The following PATZ1 variants were observed in gnomAD, a reference collection of about 807,000 sequenced individuals.
The protein encoded by PATZ1 is POZ/BTB and AT hook containing zinc finger 1, also known as POZ-, AT hook-, and zinc finger-containing protein 1.
In PATZ1, 9 loss-of-function variants were observed where a neutral mutation model predicts 46.2. The observed-to-expected ratio is 0.19, with a 90% CI of 0.12 to 0.34. The LOEUF is 0.34. Among genes scored for constraint, PATZ1 ranks in the 10% least tolerant of loss-of-function variants. The probability of loss-of-function intolerance (pLI) is 1.00; values close to 1 mark genes in which losing one functional copy is unlikely to be tolerated. For synonymous variants in PATZ1, 426 were observed against 378.6 expected, an observed-to-expected ratio of 1.13 and a Z score of -1.45; for missense variants, 632 against 923.0, an observed-to-expected ratio of 0.68 and a Z score of 4.08.
rs1338058112 is a variant in PATZ1, at chr22:31,328,865, G to T, written c.1567C>A (p.Pro523Thr). 1.2e-6 allele frequency: 2 copies of T among 1,613,878 alleles called. No homozygotes were observed. Among genetic ancestry groups the T allele is most frequent in the Non-Finnish European group, 1.7e-6 (2 of 1,179,870 alleles). The change falls in exon 4 of 5, where the codon CCC becomes ACC. Residue 523 changes from proline to threonine, a missense_variant. Transcript: ENST00000266269. The surrounding 1 kb of genome is among the most constrained non-coding windows in gnomAD (Gnocchi z 4.8). ...GGCTCCTGGTGCCTGGAGACCTGGG[G>T]AAGGGGAACACCGTGGTGGGTTTTA... is the stretch of plus-strand genomic sequence containing the variant. ...HVKTHHGVPL[P>T]QVSRHQEPIL... is the part of the protein sequence containing the mutation.
intron 2 of PATZ1, chr22:31,337,933 C>T (rs1476571373): frequency 6.6e-6 from 1 of 152,222 alleles, no homozygotes; most frequent in Non-Finnish European, 1.5e-5. Context: ...GTTTACTACC[C>T]CAGTCCCAAA....
rs758695589 is a variant in PATZ1 at position 31,344,649 on chromosome 22, G to A, written c.954C>T (p.Ser318=). The A allele has an allele frequency of 3.1e-6, 5 of 1,614,046 alleles. No individual in the cohort carries two copies. In the South Asian group the frequency reaches 4.4e-5, roughly 14 times the overall value. ...GAAGGTCGATGTAGCCCAGCTGGAG[G>A]CTGGTGACACCGTGCTGGGCCTCGT... ...RQHEAQHGVT[S]LQLGYIDLPP... is the part of the protein sequence containing the mutation. The change falls in exon 1 of 5, where the codon AGC becomes AGT. Residue 318 remains serine, a synonymous_variant. Transcript: ENST00000266269.
At chr22:31,335,642 T>C (rs1233133487) in intron 3 of PATZ1, 50 bp downstream of exon 3, 4 of 1,574,892 alleles carry the variant, frequency 2.5e-6, no homozygotes, top group South Asian at 1.1e-5. Flanking sequence ...AGGCCTCCCA[T>C]ACACGCTCAG....
chr22:31,343,024 A>G (rs1466444627), intron 1 of PATZ1, 64 bp from the exon 2 acceptor site: 2 of 1,610,562 alleles, frequency 1.2e-6, no homozygotes, highest in Non-Finnish European at 1.7e-6. Flanking sequence ...ACAGGCACAT[A>G]TGCATACGTG....
rs1569029905 is a variant in PATZ1 at position 31,344,673 on chromosome 22, G to A, written c.930C>T (p.His310=). The A allele has an allele frequency of 6.2e-7, 1 of 1,613,982 alleles. No homozygotes were observed. The highest frequency in any genetic ancestry group is 8.5e-7 in the Non-Finnish European group (1 of 1,180,028). Reference sequence around the variant, plus strand: ...GGCTGGTGACACCGTGCTGGGCCTCGTGCTGCCGGAGCCGGTTGGCATCAG... The same window carrying A: ...GGCTGGTGACACCGTGCTGGGCCTCATGCTGCCGGAGCCGGTTGGCATCAG... ...VFTDANRLRQ[H]EAQHGVTSLQ... The change falls in exon 1 of 5, where the codon CAC becomes CAT. Residue 310 remains histidine (H), a synonymous_variant. Coordinates refer to ENST00000266269, the MANE Select transcript of PATZ1 (RefSeq NM_014323.3).
chr22:31,339,206 T>G (rs1172192629), intron 2 of PATZ1, among the ~76,000 whole-genome samples: 1 of 152,154 alleles, frequency 6.6e-6, no homozygotes, highest in Admixed American at 6.5e-5. Flanking sequence ...TGTCCTCCAT[T>G]GATTATCTCT....
chr22:31,344,777 G>C lies in PATZ1; in HGVS notation c.826C>G (p.Leu276Val). The change falls in exon 1 of 5, where the codon CTG becomes GTG. Residue 276 changes from leucine to valine, a missense_variant. Coordinates refer to ENST00000266269, the MANE Select transcript of PATZ1 (RefSeq NM_014323.3). Reference protein sequence around the residue: ...GRGRPRKANLLDSMFGSPGGL... With the variant: ...GRGRPRKANLVDSMFGSPGGL... ...CCTGGGGACCCAAACATTGAGTCCA[G>C]CAGGTTGGCCTTCCTTGGGCGGCCC... The C allele has an allele frequency of 6.2e-7, 1 of 1,609,600 alleles. No homozygotes were observed. Among genetic ancestry groups the C allele is most frequent in the Non-Finnish European group, 8.5e-7 (1 of 1,177,640 alleles).
intron 2 of PATZ1, chr22:31,340,853 A>G: frequency 9.4e-7 from 1 of 1,062,512 alleles, no homozygotes; most frequent in Non-Finnish European, 1.1e-6. Flanking sequence ...TCCTGAGCAG[A>G]CCTGCTAATA....
intron 2 of PATZ1, among the ~76,000 whole-genome samples, chr22:31,336,426 T>C (rs1055054497): frequency 2.0e-5 from 3 of 151,802 alleles, no homozygotes; most frequent in Non-Finnish European, 2.9e-5. Context: ...TTTTCACGAG[T>C]TTGAATTGAA....
At position 31,326,830 on chromosome 22, in the gene PATZ1, C is replaced by T. The variant is rs2049374508; in HGVS notation, c.*61G>A. ...AGAACCCAAACATCACTTCCCTCCG[C>T]ATTCACAGCATTTCCCAGCAGTCCC... On this transcript the variant is annotated 3_prime_UTR_variant, in exon 5 of 5. Transcript: ENST00000266269. 1.4e-6 allele frequency: 2 copies of T among 1,435,064 alleles called. No individual in the cohort carries two copies. Among genetic ancestry groups the T allele is most frequent in the East Asian group, 4.6e-5 (2 of 43,486 alleles). The allele number at this position is 1,435,064 out of a possible 1,614,324, so 88.9% of individuals were successfully genotyped here. A position where few individuals can be genotyped will look rare whatever the true frequency, so the allele number is the denominator to read the frequency against.
At chr22:31,334,035 C>T (rs755180393) in intron 3 of PATZ1, among the ~76,000 whole-genome samples, 3 of 152,224 alleles carry the variant, frequency 2.0e-5, no homozygotes, top group Non-Finnish European at 4.4e-5. Flanking sequence ...AGTTTTCAAC[C>T]TCTGGTCTCT....
Position 31,344,932 on chromosome 22 carries a change from G to A in PATZ1, c.671C>T (p.Ala224Val), listed in dbSNP as rs909941855. The change falls in exon 1 of 5, where the codon GCC (alanine) becomes GTC (valine). Residue 224 changes from alanine to valine, a missense_variant. Ala to Val is a moderately conservative substitution (Grantham distance 64). Around this residue, in one of 7 missense-constraint regions of PATZ1, gnomAD observed 279 missense variants for 284.3 expected, o/e 0.98. Coordinates refer to ENST00000266269, the MANE Select transcript of PATZ1 (RefSeq NM_014323.3). ...CACCCCAGGTAACACAGGCAAAGAG[G>A]CTTGGCCTGCAATGGCTGCACCAGC... is the stretch of plus-strand genomic sequence containing the variant. ...RAAGAAIAGQ[A>V]SLPVLPGVDR... 6.2e-7 allele frequency: 1 copy of A among 1,613,650 alleles called. No homozygotes were observed. The highest frequency in any genetic ancestry group is 1.7e-4 in the Middle Eastern group (1 of 6,054).
Position 31,345,683 on chromosome 22 carries a change from AG to A in PATZ1, c.-82del. 7.3e-7 allele frequency: 1 copy of A among 1,376,748 alleles called. No homozygotes were observed. Among genetic ancestry groups the A allele is most frequent in the Non-Finnish European group, 9.7e-7 (1 of 1,028,566 alleles). The allele number at this position is 1,376,748 out of a possible 1,614,324, so 85.3% of individuals were successfully genotyped here. On this transcript the variant is annotated 5_prime_UTR_variant, in exon 1 of 5. Coordinates refer to ENST00000266269, the MANE Select transcript of PATZ1 (RefSeq NM_014323.3). This position sits in a 1 kb window ranked among gnomAD's most constrained non-coding sequence, Gnocchi z 7.4. Reference sequence around the variant, plus strand: ...CCCTCAGCAGCGAGAAGCGGGGCGCAGCAGACGTGTCCACACTCCCCACACG... The same window carrying A: ...CCCTCAGCAGCGAGAAGCGGGGCGCACAGACGTGTCCACACTCCCCACACG...
In PATZ1 at chr22:31,345,803, C is replaced by G; in HGVS notation, c.-201G>C. The G allele has an allele frequency of 2.0e-6, 1 of 491,668 alleles. No homozygotes were observed. Among genetic ancestry groups the G allele is most frequent in the East Asian group, 3.4e-5 (1 of 29,738 alleles). 30.5% of individuals were successfully genotyped at this position (491,668 alleles called of 1,614,324 possible). A position where few individuals can be genotyped will look rare whatever the true frequency, so the allele number is the denominator to read the frequency against. ...TCTAGACTGCGGGGTGCACCACCCC[C>G]CACATAGCCAACCCCCGCCCTCGCT... is the stretch of plus-strand genomic sequence containing the variant. On this transcript the variant is annotated 5_prime_UTR_variant, in exon 1 of 5. Transcript: ENST00000266269. The surrounding 1 kb of genome is among the most constrained non-coding windows in gnomAD (Gnocchi z 7.4).
chr22:31,341,696 C>T (rs1454248923), intron 2 of PATZ1: 7 of 1,597,420 alleles, frequency 4.4e-6, no homozygotes, highest in Non-Finnish European at 6.0e-6. Flanking sequence ...GGAAAAAGGG[C>T]AGAGAGTGCA....
chr22:31,327,406 G>T lies in PATZ1; in HGVS notation c.1646-97C>A. ...AGGGGCCAGCTCACAGACCTGTGGAGGGCAGCCATTGGCCAGCCACTGCCC... is the reference window on the plus strand; with the variant it reads ...AGGGGCCAGCTCACAGACCTGTGGATGGCAGCCATTGGCCAGCCACTGCCC... On this transcript the variant is annotated intron_variant, in intron 4 of 4. Transcript: ENST00000266269. The surrounding 1 kb of genome is among the most constrained non-coding windows in gnomAD (Gnocchi z 4.2). The T allele has an allele frequency of 9.5e-7, 1 of 1,055,846 alleles. No homozygotes were observed. Among genetic ancestry groups the T allele is most frequent in the Non-Finnish European group, 1.4e-6 (1 of 731,684 alleles). The allele number at this position is 1,055,846 out of a possible 1,614,324, so 65.4% of individuals were successfully genotyped here.
At chr22:31,334,333 CT>C (rs2049482053) in intron 3 of PATZ1, among the ~76,000 whole-genome samples, 1 of 152,186 alleles carries the variant, frequency 6.6e-6, no homozygotes, top group Non-Finnish European at 1.5e-5. Flanking sequence ...GAACAGACAG[CT>C]TAAGAGACCT....
chr22:31,326,911 T>C lies in PATZ1; in HGVS notation c.2044A>G (p.Met682Val), dbSNP rs936275018. 2.7e-5 allele frequency: 43 copies of C among 1,613,572 alleles called. No homozygotes were observed. The highest frequency in any genetic ancestry group is 3.5e-5 in the Non-Finnish European group (41 of 1,179,660). The change falls in exon 5 of 5, where the codon ATG (methionine) becomes GTG (valine). Residue 682 changes from methionine to valine, a missense_variant. By Grantham distance (21) the Met-to-Val change is conservative. Coordinates refer to ENST00000266269, the MANE Select transcript of PATZ1 (RefSeq NM_014323.3). Reference protein sequence around the residue: ...LVDPEVDQQPMGPEGK With the variant: ...LVDPEVDQQPVGPEGK ...CTGCCTCATTTCCCTTCAGGCCCCA[T>C]GGGCTGCTGGTCAACCTCAGGATCT... is the stretch of plus-strand genomic sequence containing the variant.
intron 2 of PATZ1, chr22:31,341,112 C>T: frequency 8.8e-7 from 1 of 1,133,556 alleles, no homozygotes; most frequent in Non-Finnish European, 1.1e-6. Flanking sequence ...AGGAAGGCAC[C>T]AACCTCCAAA....
Sources: gnomAD v4.1 joint callset for allele counts (sites outside exome capture counted in the v4.1 genomes callset) on GRCh38, gnomAD v4.1.1 for gene constraint, gnomAD v4.1.1 regional missense constraint, Gnocchi (gnomAD v3.1) non-coding constraint, MANE v1.5 for transcripts, NCBI Gene and HGNC (gene_info 2026-07-23, HGNC 2026-07-21) for gene names.